PTOV1: variants seen among roughly 807,000 people sequenced by gnomAD.
The protein encoded by PTOV1 is prostate tumor-overexpressed gene 1 protein.
PTOV1 carries 20 observed loss-of-function variants against 58.0 expected under a neutral mutation model. That is an observed-to-expected ratio of 0.34 (90% CI 0.24 to 0.50). PTOV1 has a LOEUF of 0.50. Ranked by LOEUF, PTOV1 falls within the 20% of genes least tolerant of loss-of-function variation. The pLI is 0.98. For missense variants in PTOV1, 593 were observed against 565.4 expected (o/e 1.05, Z -0.50); for synonymous variants, 335 against 234.2 (o/e 1.43, Z -3.93).
exon 2 of PTOV1, chr19:49,854,506 A>AGCT: frequency 6.2e-7 from 1 of 1,613,080 alleles, no homozygotes; most frequent in Non-Finnish European, 8.5e-7. Context: ...CTCAGCAACA[A>AGCT]GCTGCTGGCT....
In PTOV1 at chr19:49,857,497, C is replaced by T. The variant is rs148437795; in HGVS notation, c.715-196C>T. On this transcript the variant is annotated intron_variant, in intron 6 of 11. Coordinates refer to ENST00000391842, the Ensembl canonical transcript of PTOV1. Reference sequence around the variant, plus strand: ...CCTGTGCACCAGGTGAGGGCCGGGACCTGTCTCAGGCCACTGGGGAGCCAT... The same window carrying T: ...CCTGTGCACCAGGTGAGGGCCGGGATCTGTCTCAGGCCACTGGGGAGCCAT... 6.3e-6 allele frequency: 4 copies of T among 639,496 alleles called. No homozygotes were observed. The African/African-American group carries it at 7.3e-5, about 12-fold the overall frequency. 39.6% of individuals were successfully genotyped at this position (639,496 alleles called of 1,614,324 possible).
upstream of PTOV1, chr19:49,850,922 T>C (rs950699202): frequency 1.2e-5 from 19 of 1,535,866 alleles, no homozygotes; most frequent in Non-Finnish European, 1.7e-5. Flanking sequence ...GGGGCCAGCT[T>C]GGTGTCGCCT....
intron 10 of PTOV1, chr19:49,859,775 C>T (rs1222012229): frequency 5.0e-6 from 3 of 601,960 alleles, no homozygotes; most frequent in East Asian, 5.6e-5. Context: ...TTGGGCCCTT[C>T]CCGACAGAGC....
chr19:49,857,402 G>A (rs532453187), intron 6 of PTOV1: 20 of 608,262 alleles, frequency 3.3e-5, no homozygotes, highest in Non-Finnish European at 4.3e-5. Context: ...ATCGTCCTGC[G>A]GCTGGAAGGC....
At chr19:49,859,835 T>C in intron 10 of PTOV1, 151 bp from the exon 11 acceptor site, 1 of 785,106 alleles carries the variant, frequency 1.3e-6, no homozygotes, top group Admixed American at 2.3e-5. Context: ...GTCATCCCAA[T>C]AAGGGGGCCC....
intron 6 of PTOV1, 102 bp downstream of exon 6, chr19:49,857,232 G>T: frequency 6.7e-7 from 1 of 1,483,270 alleles, no homozygotes; most frequent in South Asian, 1.2e-5. Flanking sequence ...TGATGCGATG[G>T]CTGGAGCAAG....
At chr19:49,851,278 G>A in exon 1 of PTOV1, 1 of 1,081,992 alleles carries the variant, frequency 9.2e-7, no homozygotes, top group Non-Finnish European at 1.1e-6. Context: ...GGAGCCCGCA[G>A]CCCCCCTTGT....
At chr19:49,856,634 G>A (rs751387301) in intron 5 of PTOV1, 41 of 308,782 alleles carry the variant, frequency 1.3e-4, no homozygotes, top group Non-Finnish European at 2.1e-4. Context: ...ACGGTGGGGC[G>A]CTGCCTGTGC....
At chr19:49,854,413 C>T (rs761288567) in exon 2 of PTOV1, 1 of 1,610,100 alleles carries the variant, frequency 6.2e-7, no homozygotes, top group Non-Finnish European at 8.5e-7. Flanking sequence ...CAGGAAGGTG[C>T]TCGGGTCTTC....
intron 10 of PTOV1, chr19:49,858,862 G>C (rs1438574982): frequency 3.7e-6 from 2 of 536,668 alleles, no homozygotes; most frequent in Non-Finnish European, 6.7e-6. Context: ...GCGGGGGCCT[G>C]CTCCTCCTCT....
At chr19:49,854,280 C>A in intron 1 of PTOV1, 126 bp from the exon 2 acceptor site, 1 of 1,287,902 alleles carries the variant, frequency 7.8e-7, no homozygotes, top group Non-Finnish European at 1.1e-6. Flanking sequence ...TTGGACATGG[C>A]CCCGTGGGCT....
intron 5 of PTOV1, chr19:49,855,486 G>T: frequency 4.0e-6 from 1 of 247,956 alleles, no homozygotes; most frequent in Non-Finnish European, 8.1e-6. Context: ...TGTAAAATGG[G>T]CTAACCTCCC....
At chr19:49,859,618 T>C (rs2074655501) in intron 10 of PTOV1, among the ~76,000 whole-genome samples, 1 of 151,672 alleles carries the variant, frequency 6.6e-6, no homozygotes, top group Non-Finnish European at 1.5e-5. Flanking sequence ...AAAGGCTCCA[T>C]GTACCTCAGC....
chr19:49,850,705 A>C (rs1366150010), upstream of PTOV1: 12 of 700,202 alleles, frequency 1.7e-5, no homozygotes, highest in South Asian at 1.7e-4. Context: ...TCCCTTGCCC[A>C]CCTCGCCACG....
At chr19:49,859,647 G>A (rs1028343328) in intron 10 of PTOV1, among the ~76,000 whole-genome samples, 9 of 152,136 alleles carry the variant, frequency 5.9e-5, no homozygotes, top group Non-Finnish European at 8.8e-5. Context: ...GTGCTGGGCC[G>A]GCCGCTGCAG....
intron 10 of PTOV1, chr19:49,859,088 G>A (rs2074619335): frequency 6.3e-6 from 1 of 158,250 alleles, no homozygotes; most frequent in Admixed American, 6.3e-5. Flanking sequence ...CTCGGGCTCA[G>A]TTTCTCCATC....
exon 12 of PTOV1, chr19:49,860,630 C>T (rs897703811): frequency 1.9e-5 from 9 of 474,548 alleles, no homozygotes; most frequent in East Asian, 7.0e-5. Context: ...CGCTTCTGAG[C>T]AGGGGCCCCT....
chr19:49,857,550 G>A (rs2074530764), intron 6 of PTOV1, 143 bp from the exon 7 acceptor site: 1 of 769,834 alleles, frequency 1.3e-6, no homozygotes, highest in Non-Finnish European at 2.2e-6. Flanking sequence ...TGAGGGGCAG[G>A]GCCTGTTCCC....
chr19:49,853,579 T>C (rs149989401), intron 1 of PTOV1, among the ~76,000 whole-genome samples: 138 of 151,736 alleles, frequency 9.1e-4, no homozygotes, highest in African/African-American at 3.0e-3. Context: ...ATCGCACCAC[T>C]GCACTCCAGT....
Sources: gnomAD v4.1 joint callset for allele counts (sites outside exome capture counted in the v4.1 genomes callset) on GRCh38, gnomAD v4.1.1 for gene constraint, MANE v1.5 for transcripts, NCBI Gene and HGNC (gene_info 2026-07-23, HGNC 2026-07-21) for gene names.